Variants in PDSS2 observed in about 807,000 individuals in gnomAD.
The protein encoded by PDSS2 is all trans-polyprenyl-diphosphate synthase PDSS2.
PDSS2 carries 31 observed loss-of-function variants against 44.5 expected under a neutral mutation model. That is an observed-to-expected ratio of 0.70 (90% CI 0.52 to 0.94). PDSS2 has a LOEUF of 0.94. PDSS2 is among the 40% of genes least tolerant of loss of function. PDSS2 has a pLI of 0.00. For synonymous variants in PDSS2, 157 were observed against 180.3 expected, an observed-to-expected ratio of 0.87 and a Z score of 1.03; for missense variants, 452 against 482.2, an observed-to-expected ratio of 0.94 and a Z score of 0.59.
At chr6:107,347,493 G>C (rs919730657) in intron 1 of PDSS2, among the ~76,000 whole-genome samples, 1 of 151,918 alleles carries the variant, frequency 6.6e-6, no homozygotes, top group Non-Finnish European at 1.5e-5. Context: ...CTGAACTCCT[G>C]ACCTCGTGAT....
chr6:107,458,911 G>C (rs1253381150), intron 1 of PDSS2, 79 bp downstream of exon 1: 2 of 1,263,230 alleles, frequency 1.6e-6, no homozygotes, highest in African/African-American at 2.9e-5. Context: ...CAGTCTGAGA[G>C]AGCTAGAATG....
At chr6:107,369,543 G>GA (rs1262826719) in intron 1 of PDSS2, among the ~76,000 whole-genome samples, 19 of 152,172 alleles carry the variant, frequency 1.2e-4, no homozygotes, top group Non-Finnish European at 2.2e-4. Context: ...AAATCCTCTA[G>GA]AAAAAACCAT....
At chr6:107,379,194 T>C (rs546183422) in intron 1 of PDSS2, among the ~76,000 whole-genome samples, 25 of 152,350 alleles carry the variant, frequency 1.6e-4, no homozygotes, top group Admixed American at 1.4e-3. Context: ...CATGGACTCA[T>C]GGATATTTAT....
intron 4 of PDSS2, among the ~76,000 whole-genome samples, chr6:107,231,028 G>T (rs1490679506): frequency 6.6e-6 from 1 of 151,974 alleles, no homozygotes; most frequent in Non-Finnish European, 1.5e-5. Flanking sequence ...GGGCAAGATG[G>T]TAAGACCCCA....
At chr6:107,162,096 G>A (rs1771153937) in intron 7 of PDSS2, among the ~76,000 whole-genome samples, 1 of 152,118 alleles carries the variant, frequency 6.6e-6, no homozygotes, top group Admixed American at 6.6e-5. Flanking sequence ...GCACATCATT[G>A]GCTGCAGGAT....
chr6:107,411,084 C>T (rs1482787768), intron 1 of PDSS2, among the ~76,000 whole-genome samples: 2 of 152,042 alleles, frequency 1.3e-5, no homozygotes, highest in Admixed American at 6.6e-5. Flanking sequence ...CAGGGTTTTG[C>T]TATGTTGGCC....
chr6:107,423,064 A>G (rs998525243), intron 1 of PDSS2, among the ~76,000 whole-genome samples: 1 of 152,126 alleles, frequency 6.6e-6, no homozygotes, highest in Admixed American at 6.5e-5. Context: ...TTTAAAAACA[A>G]ACAAAAAAAG....
chr6:107,451,248 A>C (rs1037329456), intron 1 of PDSS2, among the ~76,000 whole-genome samples: 3 of 152,234 alleles, frequency 2.0e-5, no homozygotes, highest in Non-Finnish European at 4.4e-5. Context: ...CTAGAATTAC[A>C]TATTATATTT....
At chr6:107,300,052 C>G (rs1776642779) in intron 2 of PDSS2, among the ~76,000 whole-genome samples, 1 of 152,194 alleles carries the variant, frequency 6.6e-6, no homozygotes, top group South Asian at 2.1e-4. Context: ...CCTCACTGGG[C>G]TCCATGAAGT....
chr6:107,247,839 TAAAAAAAA>T (rs10648723), intron 3 of PDSS2, among the ~76,000 whole-genome samples: 1 of 88,028 alleles, frequency 1.1e-5, no homozygotes, highest in East Asian at 3.4e-4. Flanking sequence ...CTGTCTCTAC[TAAAAAAAA>T]AAAAAAAAAA....
intron 1 of PDSS2, among the ~76,000 whole-genome samples, chr6:107,405,742 G>T (rs1780294695): frequency 1.3e-5 from 2 of 151,268 alleles, no homozygotes. Flanking sequence ...AGCTACTTGG[G>T]AGGCTGAGGC....
intron 7 of PDSS2, among the ~76,000 whole-genome samples, chr6:107,168,067 A>G (rs1771419507): frequency 6.6e-6 from 1 of 152,088 alleles, no homozygotes; most frequent in African/African-American, 2.4e-5. Flanking sequence ...GTCTAATGTT[A>G]ACAGTGGGGT....
intron 3 of PDSS2, among the ~76,000 whole-genome samples, chr6:107,253,128 C>T (rs971516507): frequency 1.3e-5 from 2 of 152,190 alleles, no homozygotes; most frequent in Admixed American, 6.5e-5. Flanking sequence ...CTCCACCTCC[C>T]GGGTTTCAGC....
Position 107,303,490 on chromosome 6 carries a change from C to T in PDSS2, c.432-29263G>A, listed in dbSNP as rs147999187. Reference sequence around the variant, plus strand: ...TCAGATTTTTGCTATATGTTTTTAACATATGTTTATAAACATATAGCAAAT... The same window carrying T: ...TCAGATTTTTGCTATATGTTTTTAATATATGTTTATAAACATATAGCAAAT... On this transcript the variant is annotated intron_variant, in intron 2 of 7. Coordinates refer to ENST00000369037, the MANE Select transcript of PDSS2 (RefSeq NM_020381.4). Among the ~76,000 whole-genome samples, 373 of 152,284 alleles carry T rather than the reference C, an allele frequency of 2.4e-3. 2 individuals carry two copies. Among genetic ancestry groups the T allele is most frequent in the African/African-American group, 8.0e-3 (331 of 41,566 alleles).
At chr6:107,174,580 G>A (rs909906220) in intron 7 of PDSS2, among the ~76,000 whole-genome samples, 2 of 152,190 alleles carry the variant, frequency 1.3e-5, no homozygotes, top group Non-Finnish European at 2.9e-5. Context: ...TGAGTGGCAA[G>A]ACTTGGTACA....
Position 107,229,000 on chromosome 6 carries a change from G to A in PDSS2, c.702+16548C>T, listed in dbSNP as rs1011781008. 4.6e-5 allele frequency among the ~76,000 whole-genome samples: 7 copies of A among 152,172 alleles called. No homozygotes were observed. The South Asian group carries it at 1.2e-3, about 27-fold the overall frequency. Reference sequence around the variant, plus strand: ...ATACATGCCTTGGGTACAATGTGAGGGACAGGTTGTGAGTAAATTGACCAA... The same window carrying A: ...ATACATGCCTTGGGTACAATGTGAGAGACAGGTTGTGAGTAAATTGACCAA... On this transcript the variant is annotated intron_variant, in intron 4 of 7. Transcript: ENST00000369037.
intron 6 of PDSS2, among the ~76,000 whole-genome samples, chr6:107,204,799 T>C (rs1172795779): frequency 6.6e-6 from 1 of 152,226 alleles, no homozygotes; most frequent in Non-Finnish European, 1.5e-5. Flanking sequence ...TCTTATCTCC[T>C]CTCTACTGGG....
chr6:107,254,923 G>C (rs1440186731), intron 3 of PDSS2, among the ~76,000 whole-genome samples: 2 of 151,798 alleles, frequency 1.3e-5, no homozygotes, highest in African/African-American at 4.8e-5. Context: ...GAGTGTAGTG[G>C]TGTGATCTCG....
In PDSS2 at chr6:107,225,135, T is replaced by TTATATATATATATATATATA. The variant is rs1554256022; in HGVS notation, c.703-12854_703-12853insTATATATATATATATATATA. ...GAAGGAAGCTTCACTATATATATAT[T>TTATATATATATATATATATA]TTTATATATATATATATATATATAT... On this transcript the variant is annotated intron_variant, in intron 4 of 7. Coordinates refer to ENST00000369037, the MANE Select transcript of PDSS2 (RefSeq NM_020381.4). Among the ~76,000 whole-genome samples, 185 of 36,418 alleles carry TTATATATATATATATATATA rather than the reference T, an allele frequency of 5.1e-3. 22 individuals are homozygous for TTATATATATATATATATATA. The highest frequency in any genetic ancestry group is 0.033 in the East Asian group (16 of 488). The allele number at this position is 36,418 out of a possible 152,430, so 23.9% of individuals were successfully genotyped here.
Sources: allele counts gnomAD v4.1 joint callset (sites outside exome capture counted in the v4.1 genomes callset), GRCh38; gene constraint gnomAD v4.1.1; transcripts MANE v1.5; gene names NCBI Gene and HGNC (gene_info 2026-07-23, HGNC 2026-07-21).